Variants in ABAT observed in about 807,000 individuals in gnomAD.
ABAT encodes 4-aminobutyrate aminotransferase, mitochondrial.
ABAT carries 45 observed loss-of-function variants against 64.6 expected under a neutral mutation model. That is an observed-to-expected ratio of 0.70 (90% CI 0.55 to 0.89). ABAT has a LOEUF of 0.89. ABAT is among the 40% of genes least tolerant of loss of function. The pLI, the probability that ABAT is intolerant of heterozygous loss-of-function variation, is 0.00. For synonymous variants in ABAT, 297 were observed against 250.5 expected, an observed-to-expected ratio of 1.19 and a Z score of -1.75; for missense variants, 633 against 658.4, an observed-to-expected ratio of 0.96 and a Z score of 0.42.
intron 6 of ABAT, chr16:8,760,068 C>G (rs77604948): frequency 6.6e-6 from 1 of 152,260 alleles, no homozygotes. Context: ...CTTATGAAGA[C>G]CACTGCTGTG....
chr16:8,756,416 C>CT (rs149749684), intron 5 of ABAT, among the ~76,000 whole-genome samples: 2,699 of 151,698 alleles, frequency 0.018, 96 homozygotes, highest in African/African-American at 0.061. Context: ...TTTATTTCTT[C>CT]TTTTTAAAAA....
At chr16:8,763,106 A>C (rs1025522111) in intron 6 of ABAT, among the ~76,000 whole-genome samples, 8 of 5,880 alleles carry the variant, frequency 1.4e-3, no homozygotes, top group Non-Finnish European at 3.5e-3. Flanking sequence ...CCCTGTAACA[A>C]AAAAAAAAAA....
chr16:8,776,939 C>T lies in ABAT; in HGVS notation c.1269+449C>T, dbSNP rs1022091666. On this transcript the variant is annotated intron_variant, in intron 14 of 15. Transcript: ENST00000268251. This position sits in a 1 kb window ranked among gnomAD's most constrained non-coding sequence, Gnocchi z 4.4. ...TTTTGAGACCAAGTCTTGCTTTGTA[C>T]CCAGGCTGGAGTGCAGTGGCGCAAT... Among the ~76,000 whole-genome samples the T allele has an allele frequency of 2.6e-5, 4 of 151,978 alleles. No individual in the cohort carries two copies. Among genetic ancestry groups the T allele is most frequent in the African/African-American group, 9.7e-5 (4 of 41,360 alleles).
rs111695029 is a variant in ABAT at position 8,746,901 on chromosome 16, G to T, written c.168+803G>T. On this transcript the variant is annotated intron_variant, in intron 3 of 15. Coordinates refer to ENST00000268251, the MANE Select transcript of ABAT (RefSeq NM_020686.6). ...CTCTGTTGAGCAGACAGCTCTGTTG[G>T]GCTCACCTCCATGCCTGGGGGACAG... 3.8e-3 allele frequency among the ~76,000 whole-genome samples: 578 copies of T among 152,202 alleles called. 6 individuals are homozygous for T. Among genetic ancestry groups the T allele is most frequent in the African/African-American group, 0.013 (542 of 41,530 alleles).
chr16:8,722,397 G>A (rs1393899693), intron 1 of ABAT, among the ~76,000 whole-genome samples: 3 of 152,076 alleles, frequency 2.0e-5, no homozygotes, highest in African/African-American at 4.8e-5. Context: ...CATCTGCCTC[G>A]GCATCCCAAA....
intron 1 of ABAT, among the ~76,000 whole-genome samples, chr16:8,721,349 C>T (rs1005500784): frequency 6.6e-6 from 1 of 152,072 alleles, no homozygotes; most frequent in African/African-American, 2.4e-5. Context: ...ATATGCAGGG[C>T]CCACCGTCCA....
chr16:8,684,626 G>C (rs1464182000), intron 1 of ABAT, among the ~76,000 whole-genome samples: 1 of 151,820 alleles, frequency 6.6e-6, no homozygotes, highest in East Asian at 1.9e-4. Context: ...GGCTGAGGCA[G>C]GAGGGTCGCT....
At chr16:8,771,665 C>T (rs1188493821) in intron 11 of ABAT, among the ~76,000 whole-genome samples, 1 of 151,766 alleles carries the variant, frequency 6.6e-6, no homozygotes, top group African/African-American at 2.4e-5. Flanking sequence ...GATGGGGTTT[C>T]ACCATGGTAG....
chr16:8,763,922 G>A (rs557247425), intron 6 of ABAT, 147 bp from the exon 7 acceptor site: 100 of 723,224 alleles, frequency 1.4e-4, no homozygotes, highest in African/African-American at 1.1e-3. Context: ...TAAGGAAACC[G>A]GCCATGCCCC....
intron 8 of ABAT, among the ~76,000 whole-genome samples, chr16:8,765,481 T>A (rs2059918094): frequency 1.3e-5 from 2 of 151,972 alleles, no homozygotes; most frequent in Non-Finnish European, 2.9e-5. Flanking sequence ...CTGGGCAACA[T>A]GGTGAAACCC....
At position 8,735,755 on chromosome 16, in the gene ABAT, C is replaced by T. The variant is rs1288238039; in HGVS notation, c.16C>T (p.Leu6Phe). The T allele has an allele frequency of 3.1e-6, 5 of 1,606,078 alleles. No homozygotes were observed. The highest frequency in any genetic ancestry group is 3.4e-6 in the Non-Finnish European group (4 of 1,176,592). Residue 6 changes from leucine (L) to phenylalanine (F), a missense_variant, in exon 2 of 16, where the codon CTC (leucine) becomes TTC (phenylalanine). Coordinates refer to ENST00000268251, the MANE Select transcript of ABAT (RefSeq NM_020686.6). MASML[L>F]AQRLACSFQH... ...TCAAGGGGTCATGGCCTCCATGTTG[C>T]TCGCCCAGCGCCTGGCCTGCAGCTT...
intron 1 of ABAT, among the ~76,000 whole-genome samples, chr16:8,685,864 C>A (rs993333198): frequency 6.6e-6 from 1 of 152,070 alleles, no homozygotes; most frequent in African/African-American, 2.4e-5. Flanking sequence ...CCATAGGGAA[C>A]CATGGAAGAG....
intron 6 of ABAT, among the ~76,000 whole-genome samples, chr16:8,763,228 C>T (rs1463285717): frequency 6.6e-6 from 1 of 151,978 alleles, no homozygotes; most frequent in Non-Finnish European, 1.5e-5. Context: ...AGTCAGTAAA[C>T]CTAGATCCGA....
intron 1 of ABAT, among the ~76,000 whole-genome samples, chr16:8,682,062 G>A (rs2057346119): frequency 6.6e-6 from 1 of 152,082 alleles, no homozygotes. Context: ...AGCCAGAAAT[G>A]TCTCCAGGCA....
At chr16:8,739,325 C>G (rs2059090639) in intron 2 of ABAT, among the ~76,000 whole-genome samples, 1 of 152,222 alleles carries the variant, frequency 6.6e-6, no homozygotes, top group Admixed American at 6.5e-5. Flanking sequence ...CCAAGTGAGC[C>G]TAACCGATAT....
At chr16:8,770,558 G>C (rs918006671) in intron 11 of ABAT, among the ~76,000 whole-genome samples, 1 of 152,140 alleles carries the variant, frequency 6.6e-6, no homozygotes, top group African/African-American at 2.4e-5. Flanking sequence ...TCCCACCTCA[G>C]CTTCTTGAGT....
intron 11 of ABAT, among the ~76,000 whole-genome samples, chr16:8,770,233 G>C (rs1360220603): frequency 6.6e-6 from 1 of 152,060 alleles, no homozygotes; most frequent in African/African-American, 2.4e-5. Flanking sequence ...CGCCTCCTGG[G>C]TTCATGCCAT....
chr16:8,739,453 C>T (rs1450999448), intron 2 of ABAT, among the ~76,000 whole-genome samples: 1 of 152,164 alleles, frequency 6.6e-6, no homozygotes, highest in East Asian at 1.9e-4. Flanking sequence ...CACAGTGGCC[C>T]ACACCTGTAA....
chr16:8,735,005 C>A (rs1016240734), intron 1 of ABAT, among the ~76,000 whole-genome samples: 1 of 149,286 alleles, frequency 6.7e-6, no homozygotes. Flanking sequence ...GTCAGAAGTT[C>A]AAGACCAAAC....
Sources: allele counts gnomAD v4.1 joint callset (sites outside exome capture counted in the v4.1 genomes callset), GRCh38; gene constraint gnomAD v4.1.1; non-coding constraint Gnocchi (gnomAD v3.1); transcripts MANE v1.5; gene names NCBI Gene and HGNC (gene_info 2026-07-23, HGNC 2026-07-21).